CLYBL: variants seen among roughly 807,000 people sequenced by gnomAD.
CLYBL encodes the protein citramalyl-CoA lyase, mitochondrial.
CLYBL carries 31 observed loss-of-function variants against 38.9 expected under a neutral mutation model. The ratio of observed to expected loss-of-function variants is 0.80; its 90% CI spans 0.60 to 1.08. The LOEUF (loss-of-function observed/expected upper bound fraction) is 1.08, where lower values mean the gene tolerates loss of function less well. Among genes scored for constraint, CLYBL ranks in the 50% least tolerant of loss-of-function variants. The pLI is 0.00. For synonymous variants in CLYBL, 171 were observed against 158.6 expected, an observed-to-expected ratio of 1.08 and a Z score of -0.59; for missense variants, 434 against 411.6, an observed-to-expected ratio of 1.05 and a Z score of -0.47.
chr13:99,840,129 A>C (rs976699796), intron 2 of CLYBL, among the ~76,000 whole-genome samples: 2 of 151,772 alleles, frequency 1.3e-5, no homozygotes, highest in East Asian at 3.9e-4. Flanking sequence ...TGTCTCATCT[A>C]TCTGGTTATA....
intron 8 of CLYBL, among the ~76,000 whole-genome samples, chr13:99,903,585 AG>A (rs927249583): frequency 2.8e-4 from 43 of 152,332 alleles, no homozygotes; most frequent in African/African-American, 1.0e-3. Flanking sequence ...TGACTCTTAA[AG>A]GTGAAAAATA....
At chr13:99,759,396 T>C (rs2138728259) in intron 1 of CLYBL, among the ~76,000 whole-genome samples, 1 of 152,262 alleles carries the variant, frequency 6.6e-6, no homozygotes. Context: ...AATTATCTCC[T>C]ACCTGTAGTC....
chr13:99,712,039 G>C (rs1263839335), intron 1 of CLYBL, among the ~76,000 whole-genome samples: 1 of 152,124 alleles, frequency 6.6e-6, no homozygotes, highest in Non-Finnish European at 1.5e-5. Flanking sequence ...TCATTTATGA[G>C]AGCTCAGTCC....
intron 1 of CLYBL, among the ~76,000 whole-genome samples, chr13:99,720,375 A>T (rs1230313589): frequency 1.3e-5 from 2 of 149,716 alleles, no homozygotes; most frequent in Admixed American, 6.7e-5. Context: ...TTTTTGGTTC[A>T]TTTTTTTTTC....
intron 1 of CLYBL, among the ~76,000 whole-genome samples, chr13:99,680,852 T>C (rs954999567): frequency 6.6e-6 from 1 of 152,210 alleles, no homozygotes; most frequent in Non-Finnish European, 1.5e-5. Context: ...TTAGTAGCAT[T>C]AGCATCAGAC....
At chr13:99,640,018 A>G (rs995494362) in intron 1 of CLYBL, among the ~76,000 whole-genome samples, 5 of 152,256 alleles carry the variant, frequency 3.3e-5, no homozygotes, top group Non-Finnish European at 7.3e-5. Context: ...ATTGTCATAT[A>G]CATAGTTGAA....
intron 1 of CLYBL, among the ~76,000 whole-genome samples, chr13:99,620,172 G>A (rs1594086293): frequency 1.3e-5 from 2 of 152,156 alleles, no homozygotes; most frequent in African/African-American, 4.8e-5. Context: ...GTATGGAGAC[G>A]CAGAACCTAA....
intron 1 of CLYBL, among the ~76,000 whole-genome samples, chr13:99,633,616 G>A (rs904031598): frequency 6.6e-6 from 1 of 151,946 alleles, no homozygotes; most frequent in African/African-American, 2.4e-5. Flanking sequence ...GGAATGGGAA[G>A]TGATTGTTTA....
At chr13:99,894,738 G>GGT (rs2052551765), downstream of CLYBL, 1 of 58,228 alleles carries the variant, frequency 1.7e-5, no homozygotes, top group Non-Finnish European at 3.7e-5. Flanking sequence ...GCCTGAGGCG[G>GGT]GGGGGGGGGG....
At chr13:99,693,100 G>C (rs571589016) in intron 1 of CLYBL, among the ~76,000 whole-genome samples, 1 of 152,096 alleles carries the variant, frequency 6.6e-6, no homozygotes. Context: ...GGAATTGCTG[G>C]GTCTTATGGT....
At chr13:99,742,994 C>T (rs749107940) in intron 1 of CLYBL, among the ~76,000 whole-genome samples, 1 of 150,992 alleles carries the variant, frequency 6.6e-6, no homozygotes, top group Non-Finnish European at 1.5e-5. Context: ...ACAATTTGCA[C>T]TAGAAGAGGG....
At chr13:99,817,654 C>CAAAAAAAAA (rs1189248896) in intron 2 of CLYBL, among the ~76,000 whole-genome samples, 2 of 49,080 alleles carry the variant, frequency 4.1e-5, no homozygotes, top group African/African-American at 7.1e-5. Flanking sequence ...GACTCTGTCT[C>CAAAAAAAAA]AAAAAAAAAA....
chr13:99,762,409 C>T (rs955261203), intron 1 of CLYBL, among the ~76,000 whole-genome samples: 7 of 152,170 alleles, frequency 4.6e-5, no homozygotes, highest in Non-Finnish European at 1.5e-5. Flanking sequence ...CCCAGCACCA[C>T]TGAAGAGACA....
At chr13:99,678,690 GTAT>G (rs1477349566) in intron 1 of CLYBL, among the ~76,000 whole-genome samples, 1 of 152,112 alleles carries the variant, frequency 6.6e-6, no homozygotes, top group African/African-American at 2.4e-5. Flanking sequence ...AATCAGGAAA[GTAT>G]TATTATCTTT....
In CLYBL at chr13:99,767,391, A is replaced by G. The variant is rs117968883; in HGVS notation, c.63-5433A>G. 1.7e-3 allele frequency among the ~76,000 whole-genome samples: 258 copies of G among 152,306 alleles called. 1 individual carries two copies. The highest frequency in any genetic ancestry group is 3.4e-3 in the Middle Eastern group (1 of 294). Reference sequence around the variant, plus strand: ...ACCATTTCAGAACTGGAAGTCTTTCACTTTTGAAAGTTTGATTTTAGTGTG... The same window carrying G: ...ACCATTTCAGAACTGGAAGTCTTTCGCTTTTGAAAGTTTGATTTTAGTGTG... On this transcript the variant is annotated intron_variant, in intron 1 of 8. Coordinates refer to ENST00000339105, the MANE Select transcript of CLYBL (RefSeq NM_206808.5).
intron 1 of CLYBL, among the ~76,000 whole-genome samples, chr13:99,620,171 C>T (rs1206863762): frequency 1.3e-5 from 2 of 152,136 alleles, no homozygotes; most frequent in Non-Finnish European, 2.9e-5. Context: ...TGTATGGAGA[C>T]GCAGAACCTA....
At chr13:99,852,404 T>C (rs945946862) in intron 2 of CLYBL, among the ~76,000 whole-genome samples, 3 of 152,126 alleles carry the variant, frequency 2.0e-5, no homozygotes, top group Admixed American at 6.5e-5. Flanking sequence ...ACGCCTGGCT[T>C]ATGTTCTAAA....
intron 2 of CLYBL, among the ~76,000 whole-genome samples, chr13:99,799,502 G>T (rs2050089189): frequency 6.6e-6 from 1 of 152,096 alleles, no homozygotes; most frequent in Non-Finnish European, 1.5e-5. Flanking sequence ...GAGCTTGCAG[G>T]ACTTGCCAAT....
At chr13:99,815,254 A>G (rs2050420364) in intron 2 of CLYBL, among the ~76,000 whole-genome samples, 1 of 152,192 alleles carries the variant, frequency 6.6e-6, no homozygotes. Flanking sequence ...GCTGCAAGAT[A>G]TAACTCATGT....
Sources: gnomAD v4.1 joint callset for allele counts (sites outside exome capture counted in the v4.1 genomes callset) on GRCh38, gnomAD v4.1.1 for gene constraint, MANE v1.5 for transcripts, NCBI Gene and HGNC (gene_info 2026-07-23, HGNC 2026-07-21) for gene names.